Variants in KCNC2 observed in about 807,000 individuals in gnomAD.
The protein encoded by KCNC2 is potassium voltage-gated channel subfamily C member 2, also known as voltage-gated potassium channel KCNC2.
Under a neutral mutation model 44.5 loss-of-function variants are expected in KCNC2, and 21 were observed. The observed-to-expected ratio is 0.47, with a 90% CI of 0.33 to 0.68. KCNC2 has a LOEUF of 0.68. Among genes scored for constraint, KCNC2 ranks in the 30% least tolerant of loss-of-function variants. The pLI is 0.01. For synonymous variants in KCNC2, 391 were observed against 339.1 expected (o/e 1.15, Z -1.68); for missense variants, 589 against 826.2 (o/e 0.71, Z 3.52).
chr12:75,082,767 G>T (rs949095192), intron 2 of KCNC2, among the ~76,000 whole-genome samples: 12 of 151,610 alleles, frequency 7.9e-5, no homozygotes, highest in African/African-American at 2.9e-4. Flanking sequence ...CAAACTGAAT[G>T]AAAACAATAA....
chr12:75,152,772 G>A (rs1409226015), intron 2 of KCNC2, among the ~76,000 whole-genome samples: 1 of 151,918 alleles, frequency 6.6e-6, no homozygotes, highest in Non-Finnish European at 1.5e-5. Context: ...GAATTCTAAG[G>A]TATTTGATTT....
intron 2 of KCNC2, among the ~76,000 whole-genome samples, chr12:75,100,822 G>A (rs892861113): frequency 1.6e-4 from 25 of 151,960 alleles, no homozygotes; most frequent in Admixed American, 4.6e-4. Flanking sequence ...ATTTGCCTAC[G>A]TATATAATAA....
chr12:75,044,418 C>G (rs1404081159), intron 4 of KCNC2: 1 of 151,746 alleles, frequency 6.6e-6, no homozygotes, highest in Non-Finnish European at 1.5e-5. Context: ...CCTCAGTGTA[C>G]TCGATGAGTG....
At chr12:75,182,060 G>A (rs1456255265) in intron 2 of KCNC2, among the ~76,000 whole-genome samples, 2 of 150,068 alleles carry the variant, frequency 1.3e-5, no homozygotes, top group African/African-American at 4.9e-5. Context: ...GGAAAGAGAG[G>A]GAAAGGTGCA....
At chr12:75,154,221 T>G (rs2137483559) in intron 2 of KCNC2, among the ~76,000 whole-genome samples, 1 of 152,128 alleles carries the variant, frequency 6.6e-6, no homozygotes, top group Admixed American at 6.6e-5. Flanking sequence ...TCTCTGATAT[T>G]TATTTATTTA....
intron 2 of KCNC2, among the ~76,000 whole-genome samples, chr12:75,077,642 A>T (rs1434805074): frequency 2.0e-5 from 3 of 152,192 alleles, no homozygotes; most frequent in African/African-American, 7.2e-5. Flanking sequence ...AGATCTGTCC[A>T]TTATCTTAAA....
At chr12:75,119,824 G>T (rs1378116160) in intron 2 of KCNC2, among the ~76,000 whole-genome samples, 1 of 152,134 alleles carries the variant, frequency 6.6e-6, no homozygotes, top group Non-Finnish European at 1.5e-5. Flanking sequence ...TAAGCAAAAA[G>T]TTTAGTGTAA....
intron 2 of KCNC2, among the ~76,000 whole-genome samples, chr12:75,070,921 A>G (rs1048367546): frequency 3.9e-5 from 6 of 152,204 alleles, no homozygotes; most frequent in African/African-American, 1.4e-4. Context: ...TTTTAAAATT[A>G]ATAGTCCATA....
chr12:75,069,431 C>T (rs574064500), intron 2 of KCNC2, among the ~76,000 whole-genome samples: 6 of 152,118 alleles, frequency 3.9e-5, no homozygotes, highest in East Asian at 3.9e-4. Context: ...CCACCGTGCT[C>T]GGCCTCAATG....
At chr12:75,155,414 A>T (rs547317032) in intron 2 of KCNC2, among the ~76,000 whole-genome samples, 1 of 152,006 alleles carries the variant, frequency 6.6e-6, no homozygotes, top group African/African-American at 2.4e-5. Flanking sequence ...AAGCTGTAAA[A>T]AAATGTCAGG....
At chr12:75,166,507 A>G (rs1053263827) in intron 2 of KCNC2, among the ~76,000 whole-genome samples, 1 of 151,216 alleles carries the variant, frequency 6.6e-6, no homozygotes, top group Non-Finnish European at 1.5e-5. Flanking sequence ...TCAGCAGAAT[A>G]CACATTTGTG....
intron 2 of KCNC2, among the ~76,000 whole-genome samples, chr12:75,083,911 A>G (rs1198186913): frequency 1.3e-5 from 2 of 152,000 alleles, no homozygotes; most frequent in Non-Finnish European, 2.9e-5. Flanking sequence ...AACTTTCAAT[A>G]AACTCAAGGA....
At chr12:75,154,072 A>G (rs1178875251) in intron 2 of KCNC2, among the ~76,000 whole-genome samples, 6 of 152,054 alleles carry the variant, frequency 3.9e-5, no homozygotes, top group Admixed American at 1.3e-4. Context: ...CACTTTTGTT[A>G]GTACAATATA....
chr12:75,104,969 T>C (rs1008804432), intron 2 of KCNC2, among the ~76,000 whole-genome samples: 4 of 152,144 alleles, frequency 2.6e-5, no homozygotes, highest in Non-Finnish European at 4.4e-5. Context: ...TGTTAGGCAC[T>C]GATTTAGGCA....
At chr12:75,069,457 G>A (rs1354895356) in intron 2 of KCNC2, among the ~76,000 whole-genome samples, 1 of 151,970 alleles carries the variant, frequency 6.6e-6, no homozygotes, top group African/African-American at 2.4e-5. Context: ...TAATCTTAAA[G>A]TCAAAACAAT....
chr12:75,133,681 A>C (rs1224645952), intron 2 of KCNC2, among the ~76,000 whole-genome samples: 1 of 152,004 alleles, frequency 6.6e-6, no homozygotes, highest in Non-Finnish European at 1.5e-5. Context: ...TTCAGATTTC[A>C]CTAAGTCTGA....
intron 2 of KCNC2, among the ~76,000 whole-genome samples, chr12:75,196,578 T>C (rs1202006717): frequency 6.6e-6 from 1 of 152,058 alleles, no homozygotes; most frequent in East Asian, 1.9e-4. Context: ...CTCTACTGAG[T>C]CAGACACTAT....
chr12:75,146,669 G>A (rs1890050100), intron 2 of KCNC2, among the ~76,000 whole-genome samples: 1 of 152,192 alleles, frequency 6.6e-6, no homozygotes, highest in South Asian at 2.1e-4. Flanking sequence ...GAATTGCTAA[G>A]TCATAAGATA....
chr12:75,121,559 A>G (rs139141555), intron 2 of KCNC2, among the ~76,000 whole-genome samples: 7 of 152,346 alleles, frequency 4.6e-5, no homozygotes, highest in Admixed American at 1.3e-4. Flanking sequence ...TCACAGGACC[A>G]TAATCACTCT....
Sources: gnomAD v4.1 joint callset for allele counts (sites outside exome capture counted in the v4.1 genomes callset) on GRCh38, gnomAD v4.1.1 for gene constraint, MANE v1.5 for transcripts, NCBI Gene and HGNC (gene_info 2026-07-23, HGNC 2026-07-21) for gene names.